MPDZ: variants seen among roughly 807,000 people sequenced by gnomAD.
MPDZ encodes the protein multiple PDZ domain protein.
In MPDZ, 234 loss-of-function variants were observed where a neutral mutation model predicts 239.1. That is an observed-to-expected ratio of 0.98 (90% CI 0.88 to 1.09). MPDZ has a LOEUF of 1.09. MPDZ is among the 50% of genes least tolerant of loss of function. MPDZ has a pLI of 0.00. For missense variants in MPDZ, 3,175 were observed against 2,510.0 expected, an observed-to-expected ratio of 1.26 and a Z score of -5.66; for synonymous variants, 1,048 against 881.3, an observed-to-expected ratio of 1.19 and a Z score of -3.35.
chr9:13,164,238 T>C (rs929495017), intron 22 of MPDZ, among the ~76,000 whole-genome samples: 5 of 152,196 alleles, frequency 3.3e-5, no homozygotes, highest in African/African-American at 7.2e-5. Flanking sequence ...GCTGAAAAAG[T>C]TGCATTCCAA....
At chr9:13,136,228 T>A in intron 30 of MPDZ, 46 bp from the exon 31 acceptor site, 1 of 1,299,270 alleles carries the variant, frequency 7.7e-7, no homozygotes, top group Non-Finnish European at 1.1e-6. Context: ...ATGGTATTAT[T>A]TTCATTCTCT....
chr9:13,111,314 T>C (rs1046952551), intron 43 of MPDZ, among the ~76,000 whole-genome samples: 6 of 152,232 alleles, frequency 3.9e-5, no homozygotes, highest in Admixed American at 6.5e-5. Flanking sequence ...CCCTGTGCTA[T>C]GTATACAATC....
At chr9:13,187,150 C>T (rs1263283807) in intron 17 of MPDZ, among the ~76,000 whole-genome samples, 1 of 152,132 alleles carries the variant, frequency 6.6e-6, no homozygotes, top group Non-Finnish European at 1.5e-5. Flanking sequence ...GGAAAAGAAA[C>T]TGTTTTTCTT....
chr9:13,150,100 T>C (rs1003474676), intron 25 of MPDZ, among the ~76,000 whole-genome samples: 4 of 152,098 alleles, frequency 2.6e-5, no homozygotes, highest in Non-Finnish European at 5.9e-5. Flanking sequence ...ATATATTGTA[T>C]GTCTAATGTA....
At chr9:13,159,923 C>T (rs1758682538) in intron 23 of MPDZ, among the ~76,000 whole-genome samples, 1 of 152,160 alleles carries the variant, frequency 6.6e-6, no homozygotes, top group African/African-American at 2.4e-5. Flanking sequence ...AGTCAATCAA[C>T]TGCTTTTCCA....
intron 17 of MPDZ, 59 bp from the exon 18 acceptor site, chr9:13,186,445 T>A: frequency 7.9e-7 from 1 of 1,257,914 alleles, no homozygotes; most frequent in Non-Finnish European, 1.1e-6. Flanking sequence ...AGAAAGAAAA[T>A]GGAAAAGAAG....
chr9:13,165,124 A>C (rs868840573), intron 22 of MPDZ, among the ~76,000 whole-genome samples: 1 of 152,192 alleles, frequency 6.6e-6, no homozygotes, highest in Non-Finnish European at 1.5e-5. Flanking sequence ...TGAAAGCTTC[A>C]TAATTGGAAA....
intron 10 of MPDZ, among the ~76,000 whole-genome samples, chr9:13,212,578 GAGTCAAGA>G (rs1467740746): frequency 6.6e-6 from 1 of 151,702 alleles, no homozygotes; most frequent in Non-Finnish European, 1.5e-5. Context: ...TATCACAAGA[GAGTCAAGA>G]AGTCAGTTCA....
Position 13,143,506 on chromosome 9 carries a change from G to A in MPDZ, c.3800C>T (p.Thr1267Ile). 6.2e-7 allele frequency: 1 copy of A among 1,613,136 alleles called. No homozygotes were observed. Among genetic ancestry groups the A allele is most frequent in the Non-Finnish European group, 8.5e-7 (1 of 1,179,242 alleles). ...TTGTAGAGAGTCAGCAAATGGGTTA[G>A]TGCTGCTGAAGTTGTACTTAGGGTA... ...NLYPKYNFSS[T>I]NPFADSLQIN... The change falls in exon 27 of 47, where the codon ACT becomes ATT. Residue 1267 changes from threonine to isoleucine, a missense_variant. Coordinates refer to ENST00000319217, the MANE Select transcript of MPDZ (RefSeq NM_001378778.1).
At chr9:13,160,024 C>T (rs1950274995) in intron 23 of MPDZ, among the ~76,000 whole-genome samples, 1 of 152,112 alleles carries the variant, frequency 6.6e-6, no homozygotes, top group Admixed American at 6.6e-5. Context: ...GGTAAAGTAA[C>T]TGGCAGAAAG....
chr9:13,251,097 C>T, intron 1 of MPDZ, among the ~76,000 whole-genome samples: 2 of 141,250 alleles, frequency 1.4e-5, no homozygotes, highest in Non-Finnish European at 3.0e-5. Context: ...CCACCGCACT[C>T]CAGCCTGGGC....
At position 13,255,013 on chromosome 9, in the gene MPDZ, C is replaced by A. The variant is rs532333608; in HGVS notation, c.-57-4641G>T. ...TGAAGCATGTGATGCTGTTTGACAGCATTTTACCCACAATAGAACCTCTCA... is the reference window on the plus strand; with the variant it reads ...TGAAGCATGTGATGCTGTTTGACAGAATTTTACCCACAATAGAACCTCTCA... On this transcript the variant is annotated intron_variant, in intron 1 of 46. Coordinates refer to ENST00000319217, the MANE Select transcript of MPDZ (RefSeq NM_001378778.1). 6.6e-5 allele frequency among the ~76,000 whole-genome samples: 10 copies of A among 152,294 alleles called. No homozygotes were observed. In the East Asian group the frequency reaches 1.5e-3, roughly 24 times the overall value.
chr9:13,177,137 G>A (rs888297985), intron 19 of MPDZ, among the ~76,000 whole-genome samples: 3 of 152,036 alleles, frequency 2.0e-5, no homozygotes, highest in Non-Finnish European at 2.9e-5. Context: ...ATATAAATAT[G>A]TATATCTACT....
At position 13,128,043 on chromosome 9, in the gene MPDZ, T is replaced by C. The variant is rs149738868; in HGVS notation, c.4465-1271A>G. On this transcript the variant is annotated intron_variant, in intron 32 of 46. Coordinates refer to ENST00000319217, the MANE Select transcript of MPDZ (RefSeq NM_001378778.1). ...CATCTTACCCCTCTATAAAAATTGA[T>C]TTTTATTAGAATATCTAGCCTTCCC... Among the ~76,000 whole-genome samples, 215 of 152,292 alleles carry C rather than the reference T, an allele frequency of 1.4e-3. 4 individuals carry two copies. In the East Asian group the frequency reaches 0.036, roughly 25 times the overall value.
At chr9:13,217,080 C>G (rs1216225707) in intron 9 of MPDZ, 100 bp downstream of exon 9, 1 of 933,784 alleles carries the variant, frequency 1.1e-6, no homozygotes, top group Non-Finnish European at 1.6e-6. Flanking sequence ...ACCAGTTTAT[C>G]CAACAACCTG....
chr9:13,122,523 C>CTT (rs1193402258), intron 36 of MPDZ, among the ~76,000 whole-genome samples: 5 of 141,152 alleles, frequency 3.5e-5, no homozygotes, highest in Non-Finnish European at 6.2e-5. Flanking sequence ...TTTTCAAACT[C>CTT]TTTTTTTTTT....
chr9:13,166,937 T>C (rs1587444660), intron 22 of MPDZ, among the ~76,000 whole-genome samples: 1 of 152,286 alleles, frequency 6.6e-6, no homozygotes, highest in East Asian at 1.9e-4. Context: ...AGTTCTGCAG[T>C]ACATTAGAAC....
intron 8 of MPDZ, among the ~76,000 whole-genome samples, chr9:13,217,960 T>C (rs980513527): frequency 2.6e-5 from 4 of 151,806 alleles, no homozygotes; most frequent in Admixed American, 1.3e-4. Context: ...CTCCCTAAAA[T>C]TAAGCATTAG....
At chr9:13,194,780 C>A (rs895368087) in intron 13 of MPDZ, among the ~76,000 whole-genome samples, 1 of 152,088 alleles carries the variant, frequency 6.6e-6, no homozygotes, top group Non-Finnish European at 1.5e-5. Flanking sequence ...GGGTCTCCTT[C>A]ATTATTCAAT....
Sources: allele counts gnomAD v4.1 joint callset (sites outside exome capture counted in the v4.1 genomes callset), GRCh38; gene constraint gnomAD v4.1.1; transcripts MANE v1.5; gene names NCBI Gene and HGNC (gene_info 2026-07-23, HGNC 2026-07-21).